Variants in ZNF729 observed in about 807,000 individuals in gnomAD.
ZNF729 encodes zinc finger protein 729.
ZNF729 carries 15 observed loss-of-function variants against 12.2 expected under a neutral mutation model. The ratio of observed to expected loss-of-function variants is 1.23; its 90% confidence interval spans 0.82 to 1.89. The LOEUF is 1.89. ZNF729 is among the 40% of genes most tolerant of loss of function. The pLI is 0.00. For synonymous variants in ZNF729, 492 were observed against 476.3 expected, an observed-to-expected ratio of 1.03 and a Z score of -0.43; for missense variants, 1,540 against 1,456.7, an observed-to-expected ratio of 1.06 and a Z score of -0.93.
Position 22,316,639 on chromosome 19 carries a change from A to G in ZNF729, c.3222A>G (p.Lys1074=). The G allele has an allele frequency of 6.2e-7, 1 of 1,612,972 alleles. No individual in the cohort carries two copies. Residue 1074 remains lysine (K), a synonymous_variant, in exon 4 of 4, where the codon AAA becomes AAG. Coordinates refer to ENST00000601693, the MANE Select transcript of ZNF729 (RefSeq NM_001242680.2). The stretch of plus-strand genomic sequence containing the variant: ...ATAAGGTAATTCATACTGGAGAGAA[A>G]CCCTGCAAATGTGAAGAATGTGACA... ...TEHKVIHTGE[K]PCKCEECDKA...
chr19:22,294,556 A>G (rs1439660657), intron 1 of ZNF729, among the ~76,000 whole-genome samples: 4 of 150,684 alleles, frequency 2.7e-5, no homozygotes, highest in African/African-American at 9.8e-5. Context: ...TTTTTTGGGC[A>G]TTATGGCCAT....
chr19:22,302,078 C>T (rs1353174809), intron 1 of ZNF729, among the ~76,000 whole-genome samples: 1 of 152,310 alleles, frequency 6.6e-6, no homozygotes, highest in Non-Finnish European at 1.5e-5. Context: ...GTTAATTCTG[C>T]TTCTGTCTCA....
chr19:22,300,667 T>G (rs1298881328), intron 1 of ZNF729, among the ~76,000 whole-genome samples: 1 of 152,200 alleles, frequency 6.6e-6, no homozygotes, highest in Admixed American at 6.5e-5. Flanking sequence ...ATCAGAATTC[T>G]ACAAACTTCA....
intron 3 of ZNF729, among the ~76,000 whole-genome samples, chr19:22,305,423 G>A (rs112099028): frequency 0.025 from 3,784 of 151,660 alleles, 152 homozygotes; most frequent in African/African-American, 0.087. Context: ...ATTGAAAATG[G>A]GGTCTCAGTG....
rs202116367 is a variant in ZNF729 at position 22,316,196 on chromosome 19, A to G, written c.2779A>G (p.Lys927Glu). Residue 927 changes from lysine to glutamate, a missense_variant, in exon 4 of 4, where the codon AAG becomes GAG. Coordinates refer to ENST00000601693, the MANE Select transcript of ZNF729 (RefSeq NM_001242680.2). ...FKHFSALRKH[K>E]IIHTGKKPYK... ...GCATTTCTCAGCCCTTAGAAAACAT[A>G]AGATAATTCATACTGGAAAGAAACC... The G allele has an allele frequency of 3.6e-4, 585 of 1,612,978 alleles. 3 individuals carry two copies. Among genetic ancestry groups the G allele is most frequent in the Middle Eastern group, 3.1e-3 (19 of 6,050 alleles).
intron 1 of ZNF729, among the ~76,000 whole-genome samples, chr19:22,288,393 T>C (rs1968109616): frequency 6.6e-6 from 1 of 151,928 alleles, no homozygotes. Flanking sequence ...GGAAACTTTA[T>C]GGAGTGATGT....
chr19:22,292,926 G>A (rs1260578259), intron 1 of ZNF729, among the ~76,000 whole-genome samples: 1 of 152,048 alleles, frequency 6.6e-6, no homozygotes, highest in Non-Finnish European at 1.5e-5. Flanking sequence ...TCTCTTTTTA[G>A]TTCTGTGAGG....
intron 1 of ZNF729, chr19:22,299,989 A>C (rs1412433254): frequency 2.0e-5 from 3 of 152,274 alleles, no homozygotes; most frequent in African/African-American, 7.2e-5. Flanking sequence ...ACACTAGCTA[A>C]CGGAGAGGGC....
At chr19:22,293,021 CA>C (rs1968175366) in intron 1 of ZNF729, among the ~76,000 whole-genome samples, 2 of 152,250 alleles carry the variant, frequency 1.3e-5, no homozygotes, top group South Asian at 4.1e-4. Context: ...ACCTTGCCAG[CA>C]TGTTATTTTT....
At chr19:22,313,528 TTA>T (rs1568576663) in intron 3 of ZNF729, 141 bp from the exon 4 acceptor site, 1 of 694,620 alleles carries the variant, frequency 1.4e-6, no homozygotes, top group East Asian at 3.1e-5. Flanking sequence ...TTTGTTACAT[TTA>T]TATGTCTATG....
At position 22,307,135 on chromosome 19, in the gene ZNF729, G is replaced by A. The variant is rs1968387949; in HGVS notation, c.253+2352G>A. Among the ~76,000 whole-genome samples the A allele has an allele frequency of 2.0e-5, 3 of 151,030 alleles. No individual in the cohort carries two copies. In the South Asian group the frequency reaches 6.3e-4, roughly 32 times the overall value. ...TATTTATATATGGGTTTTTGATGCT[G>A]TCTAGCATTTTATTTTTCAACATAA... is the stretch of plus-strand genomic sequence containing the variant. On this transcript the variant is annotated intron_variant, in intron 3 of 3. Transcript: ENST00000601693.
rs1248421130 is a variant in ZNF729, at chr19:22,316,012, A to G, written c.2595A>G (p.Ser865=). Reference sequence around the variant, plus strand: ...GTGGCAAAGCTTTTAGCCAATCCTCATCCCTTAGAAAACATGAGATAATTC... The same window carrying G: ...GTGGCAAAGCTTTTAGCCAATCCTCGTCCCTTAGAAAACATGAGATAATTC... The part of the protein sequence containing the change: ...EECGKAFSQS[S]SLRKHEIIHS... Residue 865 remains serine (S), a synonymous_variant, in exon 4 of 4, where the codon TCA becomes TCG. Coordinates refer to ENST00000601693, the MANE Select transcript of ZNF729 (RefSeq NM_001242680.2). 6.2e-7 allele frequency: 1 copy of G among 1,611,210 alleles called. No homozygotes were observed. The highest frequency in any genetic ancestry group is 2.2e-5 in the East Asian group (1 of 44,836).
rs762258921 is a variant in ZNF729, at chr19:22,315,244, T to A, written c.1827T>A (p.Phe609Leu). Reference protein sequence around the residue: ...LYKCEECGKAFNNSSILAKHK... With the variant: ...LYKCEECGKALNNSSILAKHK... The stretch of plus-strand genomic sequence containing the variant: ...AATGTGAAGAATGTGGCAAAGCTTT[T>A]AACAATTCCTCAATCCTTGCTAAAC... The change falls in exon 4 of 4, where the codon TTT becomes TTA. Residue 609 changes from phenylalanine to leucine, a missense_variant. Coordinates refer to ENST00000601693, the MANE Select transcript of ZNF729 (RefSeq NM_001242680.2). The A allele has an allele frequency of 1.2e-6, 2 of 1,612,526 alleles. No individual in the cohort carries two copies. The highest frequency in any genetic ancestry group is 1.7e-5 in the Admixed American group (1 of 59,894).
intron 1 of ZNF729, among the ~76,000 whole-genome samples, chr19:22,290,380 T>A (rs972086394): frequency 6.6e-6 from 1 of 152,168 alleles, no homozygotes; most frequent in African/African-American, 2.4e-5. Context: ...AAAACAAAGT[T>A]AGATTTATGT....
At chr19:22,291,043 A>T (rs1968145362) in intron 1 of ZNF729, among the ~76,000 whole-genome samples, 2 of 152,134 alleles carry the variant, frequency 1.3e-5, no homozygotes, top group African/African-American at 4.8e-5. Context: ...CAGTAAGAAC[A>T]ATGTTGTGAG....
At chr19:22,295,038 TTGTGTGTGTG>T (rs71180536) in intron 1 of ZNF729, among the ~76,000 whole-genome samples, 53 of 144,132 alleles carry the variant, frequency 3.7e-4, no homozygotes, top group African/African-American at 1.0e-3. Context: ...TCCTAGATAT[TTGTGTGTGTG>T]TGTGTGTGTG....
rs933440413 is a variant in ZNF729, at chr19:22,286,640, C to T, written c.30+85C>T. 13 of 1,542,784 alleles carry T rather than the reference C, an allele frequency of 8.4e-6. No individual in the cohort carries two copies. The African/African-American group carries it at 1.5e-4, about 18-fold the overall frequency. On this transcript the variant is annotated intron_variant, in intron 1 of 3. Coordinates refer to ENST00000601693, the MANE Select transcript of ZNF729 (RefSeq NM_001242680.2). ...AGTGGCTGTGGCGGGACTCCGGCCT[C>T]CCCGCAGTCAGCTCCACAATCTGCG...
chr19:22,315,295 A>G lies in ZNF729; in HGVS notation c.1878A>G (p.Lys626=). The G allele has an allele frequency of 6.2e-7, 1 of 1,613,332 alleles. No individual in the cohort carries two copies. Among genetic ancestry groups the G allele is most frequent in the Non-Finnish European group, 8.5e-7 (1 of 1,179,708 alleles). The change falls in exon 4 of 4, where the codon AAA becomes AAG. Residue 626 remains lysine, a synonymous_variant. Transcript: ENST00000601693. ...AKHKIIHTGK[K]PYKCEECGKA... ...ATAAGATAATTCATACTGGGAAGAA[A>G]CCGTACAAATGTGAAGAATGTGGCA...
chr19:22,290,158 T>G (rs1968133685), intron 1 of ZNF729, among the ~76,000 whole-genome samples: 1 of 152,182 alleles, frequency 6.6e-6, no homozygotes, highest in Non-Finnish European at 1.5e-5. Context: ...AAAGGACCAC[T>G]TAGTTTTTTC....
Sources: gnomAD v4.1 joint callset for allele counts (sites outside exome capture counted in the v4.1 genomes callset) on GRCh38, gnomAD v4.1.1 for gene constraint, MANE v1.5 for transcripts, NCBI Gene and HGNC (gene_info 2026-07-23, HGNC 2026-07-21) for gene names.